Variants in KRABD3 observed in about 807,000 individuals in gnomAD.
The protein encoded by KRABD3 is KRAB domain-containing protein 3.
chr7:149,728,454 A>C, the KRABD3 span: 1 of 1,533,282 alleles, frequency 6.5e-7, no homozygotes, highest in Non-Finnish European at 8.9e-7. Context: ...AGCAGAAGAC[A>C]GGGGGCTTCT....
the KRABD3 span, chr7:149,729,149 C>G: frequency 7.0e-7 from 1 of 1,431,136 alleles, no homozygotes; most frequent in Non-Finnish European, 9.2e-7. Flanking sequence ...CACGAGGCCC[C>G]GTGGGGCTGA....
At chr7:149,715,715 G>C in the KRABD3 span, among the ~76,000 whole-genome samples, 1 of 152,196 alleles carries the variant, frequency 6.6e-6, no homozygotes, top group African/African-American at 2.4e-5. Flanking sequence ...CCATGGATGG[G>C]GGGCAGCGTG....
the KRABD3 span, chr7:149,720,033 T>G: frequency 6.4e-7 from 1 of 1,550,604 alleles, no homozygotes; most frequent in Non-Finnish European, 8.7e-7. Flanking sequence ...TCCCCCTCTC[T>G]GCTTTCCTGT....
chr7:149,728,688 G>T, the KRABD3 span: 29 of 1,612,256 alleles, frequency 1.8e-5, no homozygotes, highest in Non-Finnish European at 2.1e-5. Context: ...AATAGTGGCT[G>T]CCGGGGCCCT....
chr7:149,730,776 G>C, the KRABD3 span: 1 of 629,944 alleles, frequency 1.6e-6, no homozygotes, highest in Non-Finnish European at 2.7e-6. Flanking sequence ...CTGCAGGGAG[G>C]TCTGAGCCAC....
chr7:149,733,980 T>C, the KRABD3 span: 1 of 1,608,280 alleles, frequency 6.2e-7, no homozygotes, highest in Non-Finnish European at 8.5e-7. Context: ...CTGGGAGGAG[T>C]GCAGAGGGCC....
At chr7:149,730,274 G>A in the KRABD3 span, 37 of 1,552,248 alleles carry the variant, frequency 2.4e-5, no homozygotes, top group South Asian at 2.4e-5. Context: ...GCTCCAGCTC[G>A]AGCTTCAGCG....
At chr7:149,730,208 T>C in the KRABD3 span, 3 of 1,574,878 alleles carry the variant, frequency 1.9e-6, no homozygotes, top group Non-Finnish European at 2.6e-6. Flanking sequence ...GGATCTTGCC[T>C]GTAAGGCCCT....
chr7:149,734,132 C>T, the KRABD3 span: 9 of 1,476,842 alleles, frequency 6.1e-6, no homozygotes, highest in Non-Finnish European at 8.1e-6. Context: ...CCCAGGCCAC[C>T]CTCTCCCAGA....
At chr7:149,733,786 G>A in the KRABD3 span, 94 of 1,600,840 alleles carry the variant, frequency 5.9e-5, no homozygotes, top group African/African-American at 6.6e-4. Flanking sequence ...GCCATGCTGC[G>A]CCGCCTGCAC....
At chr7:149,719,166 CTG>C in the KRABD3 span, among the ~76,000 whole-genome samples, 1 of 152,230 alleles carries the variant, frequency 6.6e-6, no homozygotes, top group Non-Finnish European at 1.5e-5. The surrounding 1 kb of genome is among the most constrained non-coding windows in gnomAD (Gnocchi z 5.6). Context: ...GGCTGCATGA[CTG>C]TAGTCTCTGC....
chr7:149,731,312 G>A, the KRABD3 span, among the ~76,000 whole-genome samples: 3 of 152,316 alleles, frequency 2.0e-5, no homozygotes, highest in South Asian at 2.1e-4. Context: ...TCTTCACTCC[G>A]CAGTGGGCCT....
At chr7:149,730,764 A>C in the KRABD3 span, 1 of 680,168 alleles carries the variant, frequency 1.5e-6, no homozygotes, top group Non-Finnish European at 2.4e-6. Flanking sequence ...GCTGGTGAGC[A>C]GCTGCAGGGA....
chr7:149,721,566 C>G, the KRABD3 span: 1 of 1,605,608 alleles, frequency 6.2e-7, no homozygotes, highest in South Asian at 1.1e-5. Flanking sequence ...ACAGGGAGAA[C>G]CAGCATTTCA....
the KRABD3 span, chr7:149,720,979 C>T: frequency 6.1e-4 from 979 of 1,613,430 alleles, 2 homozygotes; most frequent in South Asian, 1.1e-3. Flanking sequence ...GGAGAGAGAG[C>T]GAGCCCCGAG....
the KRABD3 span, among the ~76,000 whole-genome samples, chr7:149,717,524 T>C: frequency 6.6e-6 from 1 of 152,256 alleles, no homozygotes; most frequent in Non-Finnish European, 1.5e-5. Flanking sequence ...TGTCTGAGAC[T>C]GTTCCTGAGA....
the KRABD3 span, chr7:149,734,339 G>A: frequency 2.3e-6 from 1 of 444,108 alleles, no homozygotes; most frequent in South Asian, 2.9e-5. Context: ...TAGGTGGGTG[G>A]TGTGCATAGG....
At chr7:149,728,376 C>A in the KRABD3 span, 1 of 954,628 alleles carries the variant, frequency 1.0e-6, no homozygotes, top group Non-Finnish European at 1.6e-6. Flanking sequence ...CAGGGCCGCG[C>A]CAGAGCCAGG....
At chr7:149,725,308 G>A in the KRABD3 span, 3 of 1,573,366 alleles carry the variant, frequency 1.9e-6, no homozygotes, top group Non-Finnish European at 1.7e-6. Flanking sequence ...GCTCTCTCCT[G>A]TTCCAGCTGC....
Sources: allele counts gnomAD v4.1 joint callset (sites outside exome capture counted in the v4.1 genomes callset), GRCh38; gene constraint gnomAD v4.1.1; non-coding constraint Gnocchi (gnomAD v3.1); transcripts MANE v1.5; gene names NCBI Gene and HGNC (gene_info 2026-07-23, HGNC 2026-07-21).